The following DLG2 variants were observed in gnomAD, a reference collection of about 807,000 sequenced individuals.
The protein encoded by DLG2 is disks large homolog 2.
Under a neutral mutation model 132.5 loss-of-function variants are expected in DLG2, and 45 were observed. The ratio of observed to expected loss-of-function variants is 0.34; its 90% confidence interval spans 0.27 to 0.44. DLG2 has a LOEUF of 0.44. DLG2 is among the 20% of genes least tolerant of loss of function. The pLI, the probability that DLG2 is intolerant of heterozygous loss-of-function variation, is 1.00. For missense variants in DLG2, 1,045 were observed against 1,196.9 expected, an observed-to-expected ratio of 0.87 and a Z score of 1.87; for synonymous variants, 424 against 419.6, an observed-to-expected ratio of 1.01 and a Z score of -0.13.
chr11:84,586,113 T>C (rs2099529104), intron 6 of DLG2, among the ~76,000 whole-genome samples: 1 of 147,410 alleles, frequency 6.8e-6, no homozygotes, highest in Admixed American at 6.8e-5. Flanking sequence ...ATCGTGCCAC[T>C]GCACTGCAGC....
intron 19 of DLG2, among the ~76,000 whole-genome samples, chr11:83,614,475 T>A (rs1346745989): frequency 6.6e-6 from 1 of 152,086 alleles, no homozygotes; most frequent in East Asian, 1.9e-4. Context: ...TCTCGGCACT[T>A]TGGGAGGCGG....
At chr11:84,699,290 T>G (rs1275125794) in intron 6 of DLG2, among the ~76,000 whole-genome samples, 1 of 151,544 alleles carries the variant, frequency 6.6e-6, no homozygotes, top group Non-Finnish European at 1.5e-5. Context: ...GGTGTAGAAA[T>G]TTACTTAACT....
intron 6 of DLG2, among the ~76,000 whole-genome samples, chr11:84,601,341 G>C (rs968532167): frequency 6.6e-6 from 1 of 151,988 alleles, no homozygotes; most frequent in Non-Finnish European, 1.5e-5. Context: ...AGAAGCATTA[G>C]GAAAAATACC....
At chr11:84,377,914 C>T (rs189700321) in intron 7 of DLG2, among the ~76,000 whole-genome samples, 1 of 152,248 alleles carries the variant, frequency 6.6e-6, no homozygotes, top group East Asian at 1.9e-4. Flanking sequence ...ATCTAAATGA[C>T]CTTATAGGAA....
intron 18 of DLG2, among the ~76,000 whole-genome samples, chr11:83,683,738 A>AT (rs1254302089): frequency 1.3e-5 from 2 of 152,116 alleles, no homozygotes; most frequent in Non-Finnish European, 2.9e-5. Flanking sequence ...GACAAAATGA[A>AT]TTTCTGCCAC....
At chr11:84,117,976 T>C (rs529652482) in intron 9 of DLG2, among the ~76,000 whole-genome samples, 2 of 152,076 alleles carry the variant, frequency 1.3e-5, no homozygotes, top group East Asian at 3.9e-4. Context: ...CTGCCTCAGC[T>C]TCCGGAGTAG....
At chr11:84,595,302 A>G (rs928264279) in intron 6 of DLG2, among the ~76,000 whole-genome samples, 1 of 151,928 alleles carries the variant, frequency 6.6e-6, no homozygotes, top group African/African-American at 2.4e-5. Context: ...TTGGAGAGAT[A>G]GGGTTTTGCT....
At chr11:84,927,357 A>G (rs1264433616) in intron 6 of DLG2, among the ~76,000 whole-genome samples, 1 of 152,006 alleles carries the variant, frequency 6.6e-6, no homozygotes, top group Non-Finnish European at 1.5e-5. Context: ...AGGACAAATT[A>G]GGTAAGTTTA....
chr11:85,535,224 G>A (rs1167810939), intron 3 of DLG2, among the ~76,000 whole-genome samples: 3 of 152,102 alleles, frequency 2.0e-5, no homozygotes, highest in African/African-American at 2.4e-5. Context: ...GTGTGGTGAT[G>A]CGGAGTATTT....
At chr11:84,300,414 G>C (rs2098138997) in intron 7 of DLG2, among the ~76,000 whole-genome samples, 2 of 152,170 alleles carry the variant, frequency 1.3e-5, no homozygotes, top group South Asian at 4.1e-4. Flanking sequence ...AAGGAAAGGG[G>C]TTTCAGTGAC....
At chr11:83,618,567 TTA>T (rs1382436933) in intron 19 of DLG2, among the ~76,000 whole-genome samples, 2 of 151,994 alleles carry the variant, frequency 1.3e-5, no homozygotes, top group African/African-American at 4.8e-5. Flanking sequence ...GGGAGAAGAA[TTA>T]TGTTACTGAG....
chr11:83,782,228 C>T (rs969819455), intron 18 of DLG2, among the ~76,000 whole-genome samples: 3 of 152,200 alleles, frequency 2.0e-5, no homozygotes, highest in Non-Finnish European at 4.4e-5. Flanking sequence ...TTAATAATTA[C>T]TCAGCAAACA....
chr11:84,397,488 G>C (rs1184150078), intron 7 of DLG2, among the ~76,000 whole-genome samples: 2 of 152,158 alleles, frequency 1.3e-5, no homozygotes, highest in Non-Finnish European at 2.9e-5. Context: ...TGCCAGTAGA[G>C]ATGACGCGGG....
intron 5 of DLG2, among the ~76,000 whole-genome samples, chr11:85,131,300 T>G (rs973092000): frequency 6.6e-6 from 1 of 152,148 alleles, no homozygotes; most frequent in Non-Finnish European, 1.5e-5. Flanking sequence ...TTTGATAACT[T>G]ATTTTTACAA....
At chr11:84,308,761 T>A (rs2154386381) in intron 7 of DLG2, among the ~76,000 whole-genome samples, 1 of 152,230 alleles carries the variant, frequency 6.6e-6, no homozygotes, top group East Asian at 1.9e-4. Context: ...CAGTACACCC[T>A]CCGCAGCCAC....
intron 17 of DLG2, among the ~76,000 whole-genome samples, chr11:83,814,245 C>A (rs2048203223): frequency 6.6e-6 from 1 of 152,088 alleles, no homozygotes; most frequent in Admixed American, 6.6e-5. Flanking sequence ...TTCTTTGATG[C>A]AATCGCTTAG....
At chr11:85,273,092 C>A (rs1413978053) in intron 4 of DLG2, among the ~76,000 whole-genome samples, 6 of 152,132 alleles carry the variant, frequency 3.9e-5, no homozygotes, top group East Asian at 1.9e-4. Context: ...ACACTTAATA[C>A]AAAAATTAAT....
At chr11:85,177,531 A>G (rs58533449) in intron 4 of DLG2, among the ~76,000 whole-genome samples, 14,005 of 151,972 alleles carry the variant, frequency 0.092, 867 homozygotes, top group African/African-American at 0.17. Context: ...TGGGTGGCAG[A>G]GTGAGGGAGA....
intron 24 of DLG2, among the ~76,000 whole-genome samples, chr11:83,470,643 A>G (rs1409396772): frequency 6.6e-6 from 1 of 152,104 alleles, no homozygotes; most frequent in Non-Finnish European, 1.5e-5. Flanking sequence ...CTTTCTCAGG[A>G]TATGTTCTAT....
Sources: gnomAD v4.1 joint callset for allele counts (sites outside exome capture counted in the v4.1 genomes callset) on GRCh38, gnomAD v4.1.1 for gene constraint, MANE v1.5 for transcripts, NCBI Gene and HGNC (gene_info 2026-07-23, HGNC 2026-07-21) for gene names.